The following CPPED1 variants were observed in gnomAD, a reference collection of about 807,000 sequenced individuals.
CPPED1 encodes the protein calcineurin like phosphoesterase domain containing 1, also known as serine/threonine-protein phosphatase CPPED1.
Under a neutral mutation model 28.0 loss-of-function variants are expected in CPPED1, and 28 were observed. The ratio of observed to expected loss-of-function variants is 1.00; its 90% confidence interval spans 0.74 to 1.37. CPPED1 has a LOEUF of 1.37. CPPED1 is among the 40% of genes most tolerant of loss of function. The probability of loss-of-function intolerance (pLI) is 0.00; values close to 1 mark genes in which losing one functional copy is unlikely to be tolerated. For missense variants in CPPED1, 504 were observed against 416.5 expected (o/e 1.21, Z -1.83); for synonymous variants, 198 against 180.2 (o/e 1.10, Z -0.79).
At chr16:12,788,674 G>A (rs1003669094) in intron 1 of CPPED1, among the ~76,000 whole-genome samples, 7 of 152,244 alleles carry the variant, frequency 4.6e-5, no homozygotes, top group Non-Finnish European at 1.0e-4. Context: ...CAGAACCTCA[G>A]TGCTGCTGGG....
intron 1 of CPPED1, 116 bp downstream of exon 1, chr16:12,803,591 C>T: frequency 2.2e-6 from 2 of 912,954 alleles, no homozygotes. Context: ...CTCCCAGGCC[C>T]CGGTGCAGCC....
intron 3 of CPPED1, among the ~76,000 whole-genome samples, chr16:12,696,438 C>CTTT (rs1180336228): frequency 4.1e-5 from 5 of 120,730 alleles, no homozygotes; most frequent in Non-Finnish European, 5.1e-5. Context: ...AAGTGACTTT[C>CTTT]TTTTTTTTTT....
At chr16:12,713,884 C>T (rs1352901172) in intron 2 of CPPED1, among the ~76,000 whole-genome samples, 1 of 152,176 alleles carries the variant, frequency 6.6e-6, no homozygotes, top group African/African-American at 2.4e-5. Flanking sequence ...AATTGTGGGA[C>T]ATTCTCACCA....
chr16:12,713,489 C>T (rs919644048), intron 2 of CPPED1, among the ~76,000 whole-genome samples: 17 of 152,176 alleles, frequency 1.1e-4, no homozygotes, highest in Non-Finnish European at 2.4e-4. Context: ...CCTCAACCTC[C>T]TGAGTAGCTG....
At chr16:12,764,942 C>T (rs937504559) in intron 2 of CPPED1, among the ~76,000 whole-genome samples, 3 of 152,216 alleles carry the variant, frequency 2.0e-5, no homozygotes, top group African/African-American at 7.2e-5. Flanking sequence ...AACTTGACCT[C>T]ACCTGCCAGC....
chr16:12,678,243 C>T (rs911183070), intron 3 of CPPED1, among the ~76,000 whole-genome samples: 1 of 152,104 alleles, frequency 6.6e-6, no homozygotes, highest in African/African-American at 2.4e-5. Flanking sequence ...TTAGTGAACA[C>T]AAAAAAGGTC....
chr16:12,698,818 G>C (rs2080005642), intron 3 of CPPED1, among the ~76,000 whole-genome samples: 1 of 152,172 alleles, frequency 6.6e-6, no homozygotes, highest in South Asian at 2.1e-4. Context: ...TACTAGAAAT[G>C]AAACTCTAAT....
rs1201195310 is a variant in CPPED1, at chr16:12,682,155, C to T, written c.716-17040G>A. Among the ~76,000 whole-genome samples, 1 of 152,058 alleles carries T rather than the reference C, an allele frequency of 6.6e-6. No homozygotes were observed. The highest frequency in any genetic ancestry group is 1.5e-5 in the Non-Finnish European group (1 of 68,016). On this transcript the variant is annotated intron_variant, in intron 3 of 3. Transcript: ENST00000381774. This position sits in a 1 kb window ranked among gnomAD's most constrained non-coding sequence, Gnocchi z 6.1. ...TTCAAGCAGTTCTCCCTGCCTCAGC[C>T]TCCCGAGTAGCTGAGATTACAGGTT...
At chr16:12,781,084 G>T in intron 2 of CPPED1, 101 bp downstream of exon 2, 1 of 973,824 alleles carries the variant, frequency 1.0e-6, no homozygotes, top group Non-Finnish European at 1.6e-6. Context: ...GTCCATGACT[G>T]AGCAAAGATG....
chr16:12,765,940 C>T (rs1295343369), intron 2 of CPPED1, among the ~76,000 whole-genome samples: 1 of 151,992 alleles, frequency 6.6e-6, no homozygotes, highest in East Asian at 1.9e-4. Context: ...TGCTTCATTT[C>T]GTTGCAGAAA....
intron 2 of CPPED1, among the ~76,000 whole-genome samples, chr16:12,721,028 C>A (rs138680116): frequency 1.3e-5 from 2 of 152,242 alleles, no homozygotes; most frequent in East Asian, 3.9e-4. Flanking sequence ...GAGCTCTTGG[C>A]CACAAAGCTT....
At chr16:12,727,193 G>C (rs1273852724) in intron 2 of CPPED1, among the ~76,000 whole-genome samples, 3 of 152,110 alleles carry the variant, frequency 2.0e-5, no homozygotes, top group Non-Finnish European at 4.4e-5. Context: ...GACACTGTTG[G>C]AATGTCTCCA....
At chr16:12,697,768 T>C (rs572415218) in intron 3 of CPPED1, among the ~76,000 whole-genome samples, 2 of 152,194 alleles carry the variant, frequency 1.3e-5, no homozygotes, top group African/African-American at 2.4e-5. Flanking sequence ...ATCTGACCCT[T>C]TACCGAAAAG....
chr16:12,702,377 T>C (rs1596452178), intron 3 of CPPED1, among the ~76,000 whole-genome samples: 2 of 151,952 alleles, frequency 1.3e-5, no homozygotes, highest in East Asian at 3.9e-4. Context: ...TTTCTACAAA[T>C]AATTAAAAAA....
intron 1 of CPPED1, among the ~76,000 whole-genome samples, chr16:12,799,720 G>A (rs978595260): frequency 6.6e-6 from 1 of 152,180 alleles, no homozygotes; most frequent in South Asian, 2.1e-4. Flanking sequence ...AGCAGCAATG[G>A]TAGGCTAGGG....
At chr16:12,722,900 ATG>A (rs1309852191) in intron 2 of CPPED1, among the ~76,000 whole-genome samples, 1 of 152,078 alleles carries the variant, frequency 6.6e-6, no homozygotes, top group Non-Finnish European at 1.5e-5. Context: ...TGCTCAGTAG[ATG>A]TGTGTGGGTT....
chr16:12,781,165 A>G lies in CPPED1; in HGVS notation c.289+20T>C. 1 of 1,601,586 alleles carries G rather than the reference A, an allele frequency of 6.2e-7. No homozygotes were observed. Among genetic ancestry groups the G allele is most frequent in the South Asian group, 1.1e-5 (1 of 89,714 alleles). The stretch of plus-strand genomic sequence containing the variant: ...ACCGGCTGAAGGAGAAAAGGTCACA[A>G]GCGATGACCCGAGTCTTACCTGGCA... On this transcript the variant is annotated intron_variant, in intron 2 of 3. Coordinates refer to ENST00000381774, the MANE Select transcript of CPPED1 (RefSeq NM_018340.3).
chr16:12,757,161 G>A (rs752891885), intron 2 of CPPED1, among the ~76,000 whole-genome samples: 65 of 152,200 alleles, frequency 4.3e-4, no homozygotes, highest in Non-Finnish European at 7.4e-4. Context: ...CCTCGAGGGT[G>A]ACCAACTAAG....
rs550842574 is a variant in CPPED1 at position 12,670,812 on chromosome 16, A to G, written c.716-5697T>C. ...CGAAGCACATACGATGACTAAATGTAAATGATCCATGTGTTTTTATTTTTT... is the reference window on the plus strand; with the variant it reads ...CGAAGCACATACGATGACTAAATGTGAATGATCCATGTGTTTTTATTTTTT... On this transcript the variant is annotated intron_variant, in intron 3 of 3. Coordinates refer to ENST00000381774, the MANE Select transcript of CPPED1 (RefSeq NM_018340.3). The surrounding 1 kb of genome is among the most constrained non-coding windows in gnomAD (Gnocchi z 4.2). Among the ~76,000 whole-genome samples the G allele has an allele frequency of 7.2e-5, 11 of 152,306 alleles. No individual in the cohort carries two copies. In the South Asian group the frequency reaches 2.3e-3, roughly 32 times the overall value.
Sources: gnomAD v4.1 joint callset for allele counts (sites outside exome capture counted in the v4.1 genomes callset) on GRCh38, gnomAD v4.1.1 for gene constraint, Gnocchi (gnomAD v3.1) non-coding constraint, MANE v1.5 for transcripts, NCBI Gene and HGNC (gene_info 2026-07-23, HGNC 2026-07-21) for gene names.